Variants in NOTCH3 observed in about 807,000 individuals in gnomAD.
NOTCH3 encodes neurogenic locus notch homolog protein 3.
NOTCH3 carries 86 observed loss-of-function variants against 213.3 expected under a neutral mutation model. The ratio of observed to expected loss-of-function variants is 0.40; its 90% CI spans 0.34 to 0.48. NOTCH3 has a LOEUF of 0.48. NOTCH3 is among the 20% of genes least tolerant of loss of function. The probability of loss-of-function intolerance (pLI) is 0.57; values close to 1 mark genes in which losing one functional copy is unlikely to be tolerated. For synonymous variants in NOTCH3, 1,354 were observed against 1,355.9 expected (o/e 1.00, Z 0.03); for missense variants, 2,783 against 3,272.6 (o/e 0.85, Z 3.65).
At chr19:15,174,527 G>C in intron 24 of NOTCH3, 127 bp from the exon 25 acceptor site, 1 of 665,062 alleles carries the variant, frequency 1.5e-6, no homozygotes, top group Non-Finnish European at 2.4e-6. Flanking sequence ...TGGAATATAC[G>C]GACCCATGCC....
At chr19:15,179,339 C>G in intron 21 of NOTCH3, 25 bp downstream of exon 21, 1 of 1,609,978 alleles carries the variant, frequency 6.2e-7, no homozygotes. Flanking sequence ...CTCATCCTGT[C>G]CCCCCAACCC....
At chr19:15,184,546 G>A in intron 15 of NOTCH3, 96 bp from the exon 16 acceptor site, 1 of 1,225,180 alleles carries the variant, frequency 8.2e-7, no homozygotes, top group Non-Finnish European at 1.2e-6. Flanking sequence ...GCCGAGATGG[G>A]TGAAGGCAAA....
intron 19 of NOTCH3, 100 bp from the exon 20 acceptor site, chr19:15,180,356 C>A: frequency 7.6e-7 from 1 of 1,322,446 alleles, no homozygotes; most frequent in Admixed American, 1.9e-5. Context: ...GAATGAGTCC[C>A]CAGGATCGCA....
intron 32 of NOTCH3, 142 bp from the exon 33 acceptor site, chr19:15,161,856 G>C (rs1026460225): frequency 1.4e-6 from 1 of 699,340 alleles, no homozygotes; most frequent in African/African-American, 1.8e-5. Context: ...TGTGCTGGGG[G>C]AGCCTGGACA....
Position 15,170,524 on chromosome 19 carries a change from C to G in NOTCH3, c.4921G>C (p.Val1641Leu). 1 of 1,610,140 alleles carries G rather than the reference C, an allele frequency of 6.2e-7. No individual in the cohort carries two copies. Among genetic ancestry groups the G allele is most frequent in the Non-Finnish European group, 8.5e-7 (1 of 1,179,908 alleles). ...GEPLEPPEPS[V>L]PLLPLLVAGA... ...GCCACTAGCAGTGGCAGCAGCGGGA[C>G]GCTGGGTTCTGGAGGCTCCAGCGGC... Residue 1641 changes from valine to leucine, a missense_variant, in exon 27 of 33, where the codon GTC (valine) becomes CTC (leucine). This residue lies in a region of NOTCH3 where 636 missense variants were observed against 801.8 expected (regional missense o/e 0.79). Transcript: ENST00000263388.
At chr19:15,197,640 G>A (rs995771353) in intron 1 of NOTCH3, 62 bp from the exon 2 acceptor site, 12 of 1,468,884 alleles carry the variant, frequency 8.2e-6, no homozygotes, top group Non-Finnish European at 1.1e-5. Flanking sequence ...AGGCCCAAGT[G>A]ACAAACCCCC....
rs867379493 is a variant in NOTCH3 at position 15,179,421 on chromosome 19, C to A, written c.3403G>T (p.Gly1135Cys). 1.2e-6 allele frequency: 2 copies of A among 1,614,020 alleles called. No individual in the cohort carries two copies. Among genetic ancestry groups the A allele is most frequent in the African/African-American group, 2.7e-5 (2 of 74,922 alleles). The change falls in exon 21 of 33, where the codon GGT becomes TGT. Residue 1135 changes from glycine to cysteine, a missense_variant. Physicochemically the swap from Gly to Cys is radical, Grantham distance 159. Transcript: ENST00000263388. ...ECASQPCQHG[G>C]SCIDLVARYL... ...CGGGCCACGAGGTCAATGCATGAACCCCCGTGCTGGCAGGGCTGGGAGGCA... is the reference window on the plus strand; with the variant it reads ...CGGGCCACGAGGTCAATGCATGAACACCCGTGCTGGCAGGGCTGGGAGGCA...
At chr19:15,192,333 A>G (rs2046936048) in intron 3 of NOTCH3, 35 bp from the exon 4 acceptor site, 1 of 1,612,236 alleles carries the variant, frequency 6.2e-7, no homozygotes. Context: ...TTTAGGACTG[A>G]CCACACCCCC....
rs1158789027 is a variant in NOTCH3 at position 15,185,234 on chromosome 19, C to A, written c.2296+23G>T. ...AAGGCCCATGGTGTTGGTGGGGCTGCAGAGGGAAGGTGAGGTACACACCCT... is the reference window on the plus strand; with the variant it reads ...AAGGCCCATGGTGTTGGTGGGGCTGAAGAGGGAAGGTGAGGTACACACCCT... On this transcript the variant is annotated intron_variant, in intron 14 of 32. Transcript: ENST00000263388. The surrounding 1 kb of genome is among the most constrained non-coding windows in gnomAD (Gnocchi z 4.2). 1.2e-6 allele frequency: 2 copies of A among 1,612,608 alleles called. No homozygotes were observed. The highest frequency in any genetic ancestry group is 3.3e-4 in the Middle Eastern group (2 of 6,024).
chr19:15,174,868 G>C (rs7408868), intron 24 of NOTCH3, among the ~76,000 whole-genome samples: 135,658 of 152,048 alleles, frequency 0.89, 60,799 homozygotes, highest in African/African-American at 0.96. Context: ...GTCACCGCAC[G>C]CAGCCCTTGA....
Position 15,177,889 on chromosome 19 carries a change from C to A in NOTCH3, c.4039G>T (p.Gly1347Trp), listed in dbSNP as rs1344432803. Residue 1347 changes from glycine (G) to tryptophan (W), a missense_variant, in exon 24 of 33, where the codon GGG becomes TGG. By Grantham distance (184) the Gly-to-Trp change is radical (BLOSUM62 -2). This residue lies in a region of NOTCH3 where 133 missense variants were observed against 201.9 expected (regional missense o/e 0.66). Transcript: ENST00000263388. ...AGCGGCGCGGGGCGGCAGGAGCCCC[C>A]GTGGAGACAGGGGGCGGCCGCGCAG... ...ASCAAAPCLHGGSCRPAPLAP... is the reference protein window; with the variant it reads ...ASCAAAPCLHWGSCRPAPLAP... The A allele has an allele frequency of 1.6e-6, 2 of 1,254,540 alleles. No individual in the cohort carries two copies. The highest frequency in any genetic ancestry group is 1.6e-5 in the African/African-American group (1 of 63,778). The allele number at this position is 1,254,540 out of a possible 1,614,324, so 77.7% of individuals were successfully genotyped here.
At position 15,178,949 on chromosome 19, in the gene NOTCH3, A is replaced by G. The variant is rs367871895; in HGVS notation, c.3719-8T>C. ...CAGTCTGACAGCGAGGACCTGAGCG[A>G]GCGGGAGCATGTAGATCAGCCACAA... is the stretch of plus-strand genomic sequence containing the variant. On this transcript the variant is annotated splice_region_variant and splice_polypyrimidine_tract_variant and intron_variant, in intron 22 of 32. Coordinates refer to ENST00000263388, the MANE Select transcript of NOTCH3 (RefSeq NM_000435.3). The G allele has an allele frequency of 5.1e-5, 82 of 1,613,924 alleles. No individual in the cohort carries two copies. Among genetic ancestry groups the G allele is most frequent in the Non-Finnish European group, 6.7e-5 (79 of 1,180,020 alleles).
rs367885841 is a variant in NOTCH3, at chr19:15,161,690, C to T, written c.5938G>A (p.Ala1980Thr). 17 of 1,613,656 alleles carry T rather than the reference C, an allele frequency of 1.1e-5. No individual in the cohort carries two copies. The highest frequency in any genetic ancestry group is 4.0e-5 in the African/African-American group (3 of 74,930). ...GCAGCCTCATAGCTGCCCTCGCGGG[C>T]GGCCAGGAATAGGGGGGTCTCCTCC... ...SKEETPLFLAAREGSYEAAKL... is the reference protein window; with the variant it reads ...SKEETPLFLATREGSYEAAKL... Residue 1980 changes from alanine to threonine, a missense_variant, in exon 33 of 33, where the codon GCC becomes ACC. Physicochemically the swap from Ala to Thr is moderately conservative, Grantham distance 58 (BLOSUM62 0). Around this residue, in one of 6 missense-constraint regions of NOTCH3, gnomAD observed 636 missense variants for 801.8 expected, o/e 0.79. Transcript: ENST00000263388.
At chr19:15,186,175 G>A (rs1401031500) in intron 12 of NOTCH3, among the ~76,000 whole-genome samples, 2 of 151,746 alleles carry the variant, frequency 1.3e-5, no homozygotes, top group African/African-American at 2.4e-5. Context: ...TGTTGCCCAG[G>A]CTAGTCTCGA....
At chr19:15,200,682 G>T in intron 1 of NOTCH3, 106 bp downstream of exon 1, 1 of 896,170 alleles carries the variant, frequency 1.1e-6, no homozygotes, top group Non-Finnish European at 1.4e-6. Flanking sequence ...CCCCTTCCCC[G>T]ACCCTGGTTC....
chr19:15,196,556 TTAA>T (rs1303256126), intron 2 of NOTCH3, among the ~76,000 whole-genome samples: 5 of 152,180 alleles, frequency 3.3e-5, no homozygotes, highest in Admixed American at 1.3e-4. Flanking sequence ...AATGAATACA[TTAA>T]TGAGTCAATC....
intron 16 of NOTCH3, among the ~76,000 whole-genome samples, chr19:15,182,417 GGATCACTT>G (rs2046848385): frequency 6.6e-6 from 1 of 151,722 alleles, no homozygotes; most frequent in South Asian, 2.1e-4. Context: ...TGAGACGGGA[GGATCACTT>G]GAGCCTGGGA....
chr19:15,184,517 G>A, intron 15 of NOTCH3, 67 bp from the exon 16 acceptor site: 2 of 1,522,128 alleles, frequency 1.3e-6, no homozygotes, highest in Non-Finnish European at 1.8e-6. Context: ...GGGACCTGGG[G>A]CTCAGGAAGA....
At position 15,165,310 on chromosome 19, in the gene NOTCH3, ACC is replaced by A; in HGVS notation, c.5815+56_5815+57del. On this transcript the variant is annotated intron_variant, in intron 31 of 32. Coordinates refer to ENST00000263388, the MANE Select transcript of NOTCH3 (RefSeq NM_000435.3). This position sits in a 1 kb window ranked among gnomAD's most constrained non-coding sequence, Gnocchi z 4.7. The stretch of plus-strand genomic sequence containing the variant: ...ATGGGTATGAATTTGCACCAACATG[ACC>A]CTCAGGGCCCAGGTGACACCAACCC... 6.4e-7 allele frequency: 1 copy of A among 1,562,092 alleles called. No homozygotes were observed. The highest frequency in any genetic ancestry group is 8.7e-7 in the Non-Finnish European group (1 of 1,145,414).
Sources: gnomAD v4.1 joint callset for allele counts (sites outside exome capture counted in the v4.1 genomes callset) on GRCh38, gnomAD v4.1.1 for gene constraint, gnomAD v4.1.1 regional missense constraint, Gnocchi (gnomAD v3.1) non-coding constraint, MANE v1.5 for transcripts, NCBI Gene and HGNC (gene_info 2026-07-23, HGNC 2026-07-21) for gene names.